Variants in ANKFN1 observed in about 807,000 individuals in gnomAD.
ANKFN1 encodes the protein ankyrin repeat and fibronectin type III domain containing 1.
Under a neutral mutation model 108.7 loss-of-function variants are expected in ANKFN1, and 74 were observed. The observed-to-expected ratio is 0.68, with a 90% CI of 0.56 to 0.83. The LOEUF is 0.83. Among genes scored for constraint, ANKFN1 ranks in the 40% least tolerant of loss-of-function variants. The probability of loss-of-function intolerance (pLI) is 0.00; values close to 1 mark genes in which losing one functional copy is unlikely to be tolerated. For missense variants in ANKFN1, 1,505 were observed against 1,382.3 expected (o/e 1.09, Z -1.41); for synonymous variants, 547 against 516.2 (o/e 1.06, Z -0.81).
chr17:56,170,884 C>A (rs12051743), intron 1 of ANKFN1, among the ~76,000 whole-genome samples: 18,735 of 144,786 alleles, frequency 0.13, 1,791 homozygotes, highest in African/African-American at 0.26. Flanking sequence ...TATCTAGTTA[C>A]CTGCCCTTAC....
At chr17:56,300,731 T>C (rs1052232903) in intron 3 of ANKFN1, among the ~76,000 whole-genome samples, 2 of 152,148 alleles carry the variant, frequency 1.3e-5, no homozygotes, top group African/African-American at 4.8e-5. Context: ...GATAGGAAGA[T>C]AGATTCCACA....
chr17:56,417,229 T>G (rs527993467), intron 8 of ANKFN1, among the ~76,000 whole-genome samples: 1 of 152,316 alleles, frequency 6.6e-6, no homozygotes, highest in Non-Finnish European at 1.5e-5. Flanking sequence ...ATTGGATTGT[T>G]TGTAACACAA....
chr17:56,129,334 A>G (rs754965358), intron 4 of ANKFN1, among the ~76,000 whole-genome samples: 2 of 152,346 alleles, frequency 1.3e-5, no homozygotes, highest in South Asian at 4.1e-4. Flanking sequence ...TTCAAAGTCA[A>G]TGATACCTAT....
At chr17:56,390,581 C>A (rs1255438644) in intron 8 of ANKFN1, among the ~76,000 whole-genome samples, 4 of 152,136 alleles carry the variant, frequency 2.6e-5, no homozygotes, top group Non-Finnish European at 5.9e-5. Flanking sequence ...ATTGCTGGGT[C>A]AAATAGTATT....
intron 4 of ANKFN1, among the ~76,000 whole-genome samples, chr17:56,126,575 T>C (rs1906947838): frequency 6.6e-6 from 1 of 152,166 alleles, no homozygotes; most frequent in Admixed American, 6.5e-5. Context: ...TATTACTTTA[T>C]TAAGGAATGT....
intron 1 of ANKFN1, chr17:56,195,225 A>T (rs575764400): frequency 6.6e-6 from 1 of 152,206 alleles, no homozygotes. Flanking sequence ...GCTCCCATGC[A>T]CTTTGCACAC....
intron 3 of ANKFN1, among the ~76,000 whole-genome samples, chr17:56,244,148 G>C (rs1474444566): frequency 5.3e-5 from 8 of 152,038 alleles, no homozygotes; most frequent in African/African-American, 1.9e-4. Flanking sequence ...TAAGTGATGA[G>C]CTTTCTTTCT....
intron 4 of ANKFN1, among the ~76,000 whole-genome samples, chr17:56,123,131 T>C (rs1223980613): frequency 1.3e-5 from 2 of 152,164 alleles, no homozygotes; most frequent in African/African-American, 2.4e-5. Context: ...CATGGACAGG[T>C]TAGGTAACGT....
intron 4 of ANKFN1, among the ~76,000 whole-genome samples, chr17:56,340,149 G>A (rs931126704): frequency 2.0e-5 from 3 of 152,052 alleles, no homozygotes; most frequent in African/African-American, 7.2e-5. Flanking sequence ...ACTTTTTGAT[G>A]GGGTTGTTTG....
At chr17:56,173,630 A>C (rs1910873407) in intron 1 of ANKFN1, among the ~76,000 whole-genome samples, 1 of 151,166 alleles carries the variant, frequency 6.6e-6, no homozygotes, top group Non-Finnish European at 1.5e-5. Context: ...GCTATTTTTT[A>C]TTTTCTTTTT....
At chr17:56,455,576 G>A (rs938089111) in intron 11 of ANKFN1, among the ~76,000 whole-genome samples, 1 of 152,172 alleles carries the variant, frequency 6.6e-6, no homozygotes, top group African/African-American at 2.4e-5. Context: ...CCAGTGACAT[G>A]TCTGTCAGCA....
intron 16 of ANKFN1, 105 bp downstream of exon 16, chr17:56,477,759 T>C (rs2050555596): frequency 1.6e-6 from 2 of 1,260,472 alleles, no homozygotes; most frequent in Admixed American, 4.2e-5. Context: ...GGGCAGTTTT[T>C]ATGGTGAGGT....
At chr17:56,370,186 A>G (rs138293616) in intron 6 of ANKFN1, among the ~76,000 whole-genome samples, 72 of 152,304 alleles carry the variant, frequency 4.7e-4, no homozygotes, top group African/African-American at 1.6e-3. Context: ...GAGCTCACCC[A>G]GCTATAAAAT....
rs577124090 is a variant in ANKFN1 at position 56,106,618 on chromosome 17, A to G, written c.288+60293A>G. On this transcript the variant is annotated intron_variant, in intron 4 of 12. Transcript: ENST00000635860. Reference sequence around the variant, plus strand: ...TGAAATCCCAATTTCTGATCCCAGAACTGTCATAATTTAATCATGACATGT... The same window carrying G: ...TGAAATCCCAATTTCTGATCCCAGAGCTGTCATAATTTAATCATGACATGT... Among the ~76,000 whole-genome samples the G allele has an allele frequency of 3.9e-5, 6 of 152,334 alleles. No homozygotes were observed. The East Asian group carries it at 1.2e-3, about 29-fold the overall frequency.
intron 2 of ANKFN1, chr17:56,224,723 T>A (rs975763335): frequency 6.6e-6 from 1 of 152,116 alleles, no homozygotes. Context: ...AATCCCCTGG[T>A]TGAGCACTTG....
At chr17:56,267,755 G>T (rs2043689855) in intron 3 of ANKFN1, among the ~76,000 whole-genome samples, 1 of 152,124 alleles carries the variant, frequency 6.6e-6, no homozygotes. Flanking sequence ...TGGTCTATGT[G>T]TCTGTTTTTG....
At chr17:56,150,267 A>G (rs55677839), upstream of ANKFN1, among the ~76,000 whole-genome samples, 4,925 of 152,282 alleles carry the variant, frequency 0.032, 184 homozygotes, top group African/African-American at 0.092. Context: ...CAACATGATT[A>G]AGTTGGGAAA....
At chr17:56,434,742 G>T (rs942149566) in intron 8 of ANKFN1, among the ~76,000 whole-genome samples, 7 of 151,776 alleles carry the variant, frequency 4.6e-5, no homozygotes, top group African/African-American at 1.7e-4. Flanking sequence ...CTCTAGAAAT[G>T]ACTGTATTTG....
At chr17:56,396,574 T>C (rs2047594281) in intron 8 of ANKFN1, among the ~76,000 whole-genome samples, 1 of 152,014 alleles carries the variant, frequency 6.6e-6, no homozygotes, top group Non-Finnish European at 1.5e-5. Flanking sequence ...AAAGTTAAGA[T>C]TATACATTTA....
Sources: gnomAD v4.1 joint callset for allele counts (sites outside exome capture counted in the v4.1 genomes callset) on GRCh38, gnomAD v4.1.1 for gene constraint, MANE v1.5 for transcripts, NCBI Gene and HGNC (gene_info 2026-07-23, HGNC 2026-07-21) for gene names.